Variants in AOPEP observed in about 807,000 individuals in gnomAD.
AOPEP encodes aminopeptidase O.
AOPEP carries 77 observed loss-of-function variants against 98.1 expected under a neutral mutation model. The ratio of observed to expected loss-of-function variants is 0.78; its 90% CI spans 0.65 to 0.95. The LOEUF is 0.95. Among genes scored for constraint, AOPEP ranks in the 40% least tolerant of loss-of-function variants. AOPEP has a pLI of 0.00. For synonymous variants in AOPEP, 346 were observed against 365.3 expected, an observed-to-expected ratio of 0.95 and a Z score of 0.60; for missense variants, 1,024 against 1,024.7, an observed-to-expected ratio of 1.00 and a Z score of 0.01.
At chr9:94,876,640 C>T (rs907574835) in intron 5 of AOPEP, among the ~76,000 whole-genome samples, 1 of 152,170 alleles carries the variant, frequency 6.6e-6, no homozygotes, top group Non-Finnish European at 1.5e-5. Flanking sequence ...GCTGGGATTA[C>T]AGGCGTGAAC....
intron 11 of AOPEP, among the ~76,000 whole-genome samples, chr9:94,996,143 A>G (rs1160190881): frequency 1.3e-5 from 2 of 152,162 alleles, no homozygotes; most frequent in African/African-American, 4.8e-5. Flanking sequence ...CACTGATTTC[A>G]TCCACCGCTG....
At chr9:94,806,474 C>T (rs1849285377) in intron 5 of AOPEP, among the ~76,000 whole-genome samples, 1 of 152,126 alleles carries the variant, frequency 6.6e-6, no homozygotes, top group African/African-American at 2.4e-5. Flanking sequence ...TTACTGGCAA[C>T]CCTGCTGTTG....
intron 1 of AOPEP, among the ~76,000 whole-genome samples, chr9:94,748,446 A>T (rs1835003433): frequency 6.6e-6 from 1 of 152,186 alleles, no homozygotes; most frequent in Admixed American, 6.5e-5. Flanking sequence ...ATTTCTTTTG[A>T]AATACTTTTA....
chr9:94,808,281 C>G (rs1849688495), intron 5 of AOPEP, among the ~76,000 whole-genome samples: 1 of 152,214 alleles, frequency 6.6e-6, no homozygotes, highest in South Asian at 2.1e-4. Flanking sequence ...CTCAGGCAGT[C>G]CACCTGCCTC....
chr9:94,892,620 C>G (rs947881119), intron 5 of AOPEP, among the ~76,000 whole-genome samples: 1 of 152,166 alleles, frequency 6.6e-6, no homozygotes, highest in African/African-American at 2.4e-5. Context: ...AGAAAAGAAA[C>G]CATGGAGCAG....
intron 5 of AOPEP, among the ~76,000 whole-genome samples, chr9:94,861,438 C>T (rs2044975650): frequency 6.6e-6 from 1 of 152,168 alleles, no homozygotes; most frequent in Admixed American, 6.5e-5. Context: ...GACACAGAGT[C>T]ATCATTAGTG....
chr9:94,810,788 C>G (rs1467131306), intron 5 of AOPEP, among the ~76,000 whole-genome samples: 2 of 152,166 alleles, frequency 1.3e-5, no homozygotes, highest in Non-Finnish European at 2.9e-5. Context: ...TTTAGGCCCC[C>G]AAGCAAAAGT....
chr9:95,017,515 G>A (rs1289392516), intron 13 of AOPEP, among the ~76,000 whole-genome samples: 7 of 152,192 alleles, frequency 4.6e-5, no homozygotes, highest in Non-Finnish European at 8.8e-5. Flanking sequence ...ATCGTTGACT[G>A]AAATGTCGTT....
intron 1 of AOPEP, among the ~76,000 whole-genome samples, chr9:94,735,967 T>C (rs140211678): frequency 1.1e-3 from 164 of 152,376 alleles, no homozygotes; most frequent in African/African-American, 3.9e-3. Flanking sequence ...GTTCTCAAGG[T>C]TCGTCCAGGT....
chr9:95,126,631 C>T, the AOPEP span: 1 of 1,583,816 alleles, frequency 6.3e-7, no homozygotes, highest in Non-Finnish European at 8.7e-7. Context: ...AGCACTTTCT[C>T]AGAAACTTGC....
At chr9:95,094,030 T>A in the AOPEP span, among the ~76,000 whole-genome samples, 1 of 152,258 alleles carries the variant, frequency 6.6e-6, no homozygotes, top group Middle Eastern at 3.4e-3. Context: ...CTTTTCCTTT[T>A]TTTCTCTCGT....
intron 7 of AOPEP, among the ~76,000 whole-genome samples, chr9:94,937,297 T>C (rs2056416387): frequency 6.6e-6 from 1 of 152,194 alleles, no homozygotes; most frequent in South Asian, 2.1e-4. Flanking sequence ...AAAAACCAAA[T>C]ATACACTCCA....
chr9:94,904,543 C>T (rs2050867621), intron 5 of AOPEP: 1 of 151,996 alleles, frequency 6.6e-6, no homozygotes, highest in Non-Finnish European at 1.5e-5. Flanking sequence ...AAATCATGAC[C>T]AATAATAAAA....
intron 3 of AOPEP, among the ~76,000 whole-genome samples, chr9:94,791,850 A>G (rs1205909354): frequency 6.6e-6 from 1 of 152,234 alleles, no homozygotes; most frequent in Non-Finnish European, 1.5e-5. Flanking sequence ...GATGATATAA[A>G]TTCTGCTTAA....
At chr9:95,094,768 C>A in the AOPEP span, among the ~76,000 whole-genome samples, 1 of 152,182 alleles carries the variant, frequency 6.6e-6, no homozygotes, top group Non-Finnish European at 1.5e-5. Context: ...TGGGTTCAAG[C>A]AATTCTCCTG....
At chr9:95,105,539 GTGC>G in the AOPEP span, among the ~76,000 whole-genome samples, 1 of 152,276 alleles carries the variant, frequency 6.6e-6, no homozygotes, top group East Asian at 1.9e-4. Context: ...TACATAAAAT[GTGC>G]TGTTTTACCC....
chr9:94,764,988 G>C (rs144368871), intron 2 of AOPEP, among the ~76,000 whole-genome samples: 39 of 152,256 alleles, frequency 2.6e-4, no homozygotes, highest in African/African-American at 9.1e-4. Context: ...TGTAAGAGCT[G>C]TTTTCTCACT....
chr9:94,731,075 A>G (rs1217952719), intron 1 of AOPEP, among the ~76,000 whole-genome samples: 2 of 152,274 alleles, frequency 1.3e-5, no homozygotes, highest in East Asian at 3.9e-4. Context: ...ACAGCCTCAG[A>G]GTTTCTGAAA....
At chr9:94,733,151 G>A (rs1452308904) in intron 1 of AOPEP, among the ~76,000 whole-genome samples, 1 of 141,306 alleles carries the variant, frequency 7.1e-6, no homozygotes, top group African/African-American at 2.7e-5. Context: ...CTGTTGCCCA[G>A]GCTGGAGTGC....
Sources: allele counts gnomAD v4.1 joint callset (sites outside exome capture counted in the v4.1 genomes callset), GRCh38; gene constraint gnomAD v4.1.1; transcripts MANE v1.5; gene names NCBI Gene and HGNC (gene_info 2026-07-23, HGNC 2026-07-21).